The following PDE4C variants were observed in gnomAD, a reference collection of about 807,000 sequenced individuals.
PDE4C encodes phosphodiesterase 4C, also known as 3',5'-cyclic-AMP phosphodiesterase 4C.
In PDE4C, 50 loss-of-function variants were observed where a neutral mutation model predicts 63.9. The observed-to-expected ratio is 0.78, with a 90% CI of 0.62 to 0.99. The LOEUF (loss-of-function observed/expected upper bound fraction) is 0.99, where lower values mean the gene tolerates loss of function less well. Ranked by LOEUF, PDE4C falls within the 50% of genes least tolerant of loss-of-function variation. The pLI is 0.00. For synonymous variants in PDE4C, 377 were observed against 385.1 expected, an observed-to-expected ratio of 0.98 and a Z score of 0.25; for missense variants, 777 against 899.1, an observed-to-expected ratio of 0.86 and a Z score of 1.74.
At chr19:18,233,787 G>C, upstream of PDE4C, 1 of 315,512 alleles carries the variant, frequency 3.2e-6, no homozygotes, top group South Asian at 2.5e-5. Context: ...ATCCGCCCAG[G>C]AGGTGCTGAA....
In PDE4C at chr19:18,210,741, G is replaced by A. The variant is rs544350188; in HGVS notation, c.*188C>T. 385 of 978,404 alleles carry A rather than the reference G, an allele frequency of 3.9e-4. 3 individuals are homozygous for A. The African/African-American group carries it at 5.8e-3, about 15-fold the overall frequency. 60.6% of individuals were successfully genotyped at this position (978,404 alleles called of 1,614,324 possible). Reference sequence around the variant, plus strand: ...GCTCTTTTAGGCAAGTCTAGGGTCAGAGTGGACCCCAGCCAGGTGCCTCCA... The same window carrying A: ...GCTCTTTTAGGCAAGTCTAGGGTCAAAGTGGACCCCAGCCAGGTGCCTCCA... On this transcript the variant is annotated 3_prime_UTR_variant, in exon 15 of 15. Coordinates refer to ENST00000262805, the Ensembl canonical transcript of PDE4C.
At chr19:18,216,877 A>C in exon 12 of PDE4C, 2 of 1,613,440 alleles carry the variant, frequency 1.2e-6, no homozygotes, top group South Asian at 1.1e-5. Context: ...GTCGTTGTAC[A>C]TAAGCGCCAG....
the PDE4C span, among the ~76,000 whole-genome samples, chr19:18,254,205 C>T: frequency 2.6e-4 from 39 of 152,282 alleles, no homozygotes; most frequent in African/African-American, 7.5e-4. Context: ...CTGGGAAGAA[C>T]GCCCCTCAAG....
At chr19:18,236,491 G>T (rs1334782117), upstream of PDE4C, among the ~76,000 whole-genome samples, 2 of 152,196 alleles carry the variant, frequency 1.3e-5, no homozygotes, top group Admixed American at 1.3e-4. Context: ...CCAAAGTGCT[G>T]GGATTACAGG....
chr19:18,211,194 T>C (rs1202246846), exon 15 of PDE4C: 4 of 1,613,984 alleles, frequency 2.5e-6, no homozygotes, highest in Non-Finnish European at 3.4e-6. Flanking sequence ...CTCCAGCGTG[T>C]CCAGCAGGTC....
chr19:18,211,502 A>G (rs1967937756), intron 14 of PDE4C, among the ~76,000 whole-genome samples: 1 of 152,104 alleles, frequency 6.6e-6, no homozygotes, highest in African/African-American at 2.4e-5. Context: ...GGCTGAATGT[A>G]CGTGTCCCCC....
rs114858522 is a variant in PDE4C at position 18,211,660 on chromosome 19, G to C, written c.1695+99C>G. The C allele has an allele frequency of 1.1e-3, 1,551 of 1,390,466 alleles. 5 individuals carry two copies. The African/African-American group carries it at 0.018, about 17-fold the overall frequency. The allele number at this position is 1,390,466 out of a possible 1,614,324, so 86.1% of individuals were successfully genotyped here. On this transcript the variant is annotated intron_variant, in intron 14 of 14. Coordinates refer to ENST00000262805, the Ensembl canonical transcript of PDE4C. ...CAGCACCCTTCAGGCACACTCCCTG[G>C]CTAGCCAGCCAGGGCCAAACCAGGG... is the stretch of plus-strand genomic sequence containing the variant.
At chr19:18,236,026 T>C (rs2148059213), upstream of PDE4C, among the ~76,000 whole-genome samples, 1 of 152,028 alleles carries the variant, frequency 6.6e-6, no homozygotes, top group South Asian at 2.1e-4. Flanking sequence ...CACTGCAAGC[T>C]CTGCCTCCCG....
upstream of PDE4C, among the ~76,000 whole-genome samples, chr19:18,237,229 G>A (rs1336232017): frequency 6.6e-6 from 1 of 152,164 alleles, no homozygotes; most frequent in Admixed American, 6.6e-5. Context: ...CTGTGAAGTA[G>A]GGATCTCAAA....
chr19:18,214,625 G>A (rs1600062397), intron 12 of PDE4C, among the ~76,000 whole-genome samples: 2 of 151,956 alleles, frequency 1.3e-5, no homozygotes, highest in African/African-American at 2.4e-5. Flanking sequence ...GTGCCCTGGA[G>A]GGCTATTTCT....
intron 1 of PDE4C, among the ~76,000 whole-genome samples, chr19:18,232,370 A>G (rs1968865482): frequency 7.5e-6 from 1 of 134,124 alleles, no homozygotes; most frequent in Admixed American, 7.7e-5. Context: ...CTCAAAAATA[A>G]AAACGTGTGT....
intron 12 of PDE4C, among the ~76,000 whole-genome samples, chr19:18,215,151 T>A (rs1255362366): frequency 6.6e-6 from 1 of 152,066 alleles, no homozygotes; most frequent in Non-Finnish European, 1.5e-5. Flanking sequence ...ACCAAACGTT[T>A]AGTTCTTTCT....
chr19:18,220,737 C>G lies in PDE4C; in HGVS notation c.499+137G>C. 1.1e-6 allele frequency: 1 copy of G among 917,218 alleles called. No individual in the cohort carries two copies. Among genetic ancestry groups the G allele is most frequent in the Non-Finnish European group, 1.7e-6 (1 of 576,210 alleles). The allele number at this position is 917,218 out of a possible 1,614,324, so 56.8% of individuals were successfully genotyped here. On this transcript the variant is annotated intron_variant, in intron 5 of 14. Transcript: ENST00000262805. The surrounding 1 kb of genome is among the most constrained non-coding windows in gnomAD (Gnocchi z 5.1). ...TAATATGAGTGTGGTGGGGTCCATC[C>G]CCGAGGGCGTTATTGTTTTTGCAGG...
intron 1 of PDE4C, among the ~76,000 whole-genome samples, chr19:18,246,252 C>T (rs1408357987): frequency 2.7e-5 from 4 of 149,636 alleles, no homozygotes; most frequent in East Asian, 3.9e-4. Context: ...GGCATGATCA[C>T]GGTTCACTGC....
intron 12 of PDE4C, among the ~76,000 whole-genome samples, chr19:18,215,819 T>A (rs1968166963): frequency 6.7e-6 from 1 of 150,332 alleles, no homozygotes; most frequent in Non-Finnish European, 1.5e-5. Flanking sequence ...GGCTGCTTAA[T>A]TTTTTTCTTT....
rs930641636 is a variant in PDE4C at position 18,218,625 on chromosome 19, T to G, written c.970-127A>C. ...TGCTCCTCTGAGATGCCCTCTGTGC[T>G]CTCCTGAACTCCTCCACTCTGTGTT... On this transcript the variant is annotated intron_variant, in intron 9 of 14. Coordinates refer to ENST00000262805, the Ensembl canonical transcript of PDE4C. 8 of 1,003,664 alleles carry G rather than the reference T, an allele frequency of 8.0e-6. No homozygotes were observed. The African/African-American group carries it at 1.3e-4, about 16-fold the overall frequency. 62.2% of individuals were successfully genotyped at this position (1,003,664 alleles called of 1,614,324 possible).
chr19:18,213,618 G>A lies in PDE4C; in HGVS notation c.1390-128C>T. ...GCCTCAGCATACTCATCTGTGAAATGGAAGGATGCAACTGCATTCACTGCA... is the reference window on the plus strand; with the variant it reads ...GCCTCAGCATACTCATCTGTGAAATAGAAGGATGCAACTGCATTCACTGCA... On this transcript the variant is annotated intron_variant, in intron 12 of 14. Coordinates refer to ENST00000262805, the Ensembl canonical transcript of PDE4C. The A allele has an allele frequency of 1.0e-5, 11 of 1,068,030 alleles. No individual in the cohort carries two copies. In the South Asian group the frequency reaches 1.4e-4, roughly 14 times the overall value. 66.2% of individuals were successfully genotyped at this position (1,068,030 alleles called of 1,614,324 possible).
chr19:18,225,944 G>A lies in PDE4C; in HGVS notation c.146+326C>T, dbSNP rs1376682386. 3.3e-5 allele frequency among the ~76,000 whole-genome samples: 5 copies of A among 152,228 alleles called. 1 individual carries two copies. The highest frequency in any genetic ancestry group is 4.1e-4 in the South Asian group (2 of 4,826). On this transcript the variant is annotated intron_variant, in intron 1 of 14. Transcript: ENST00000262805. ...GCCTGCCTGCCCCAGGCCGGCGAGG[G>A]TCAGGAGGAGACGTGAGCCTCAGCC...
chr19:18,248,534 A>G (rs913474549), upstream of PDE4C, among the ~76,000 whole-genome samples: 1 of 151,936 alleles, frequency 6.6e-6, no homozygotes, highest in Non-Finnish European at 1.5e-5. Flanking sequence ...ATGTGTTTGC[A>G]TATGATAGAG....
Sources: allele counts gnomAD v4.1 joint callset (sites outside exome capture counted in the v4.1 genomes callset), GRCh38; gene constraint gnomAD v4.1.1; non-coding constraint Gnocchi (gnomAD v3.1); transcripts MANE v1.5; gene names NCBI Gene and HGNC (gene_info 2026-07-23, HGNC 2026-07-21).